The following APBA1 variants were observed in gnomAD, a reference collection of about 807,000 sequenced individuals.
APBA1 encodes amyloid beta precursor protein binding family A member 1.
In APBA1, 55 loss-of-function variants were observed where a neutral mutation model predicts 86.6. That is an observed-to-expected ratio of 0.64 (90% CI 0.51 to 0.80). The LOEUF (loss-of-function observed/expected upper bound fraction) is 0.80, where lower values mean the gene tolerates loss of function less well. Ranked by LOEUF, APBA1 falls within the 30% of genes least tolerant of loss-of-function variation. The probability of loss-of-function intolerance (pLI) is 0.00; values close to 1 mark genes in which losing one functional copy is unlikely to be tolerated. For missense variants in APBA1, 1,090 were observed against 1,183.0 expected, an observed-to-expected ratio of 0.92 and a Z score of 1.15; for synonymous variants, 511 against 493.9, an observed-to-expected ratio of 1.03 and a Z score of -0.46.
At chr9:69,664,501 C>T (rs1239683993) in intron 1 of APBA1, among the ~76,000 whole-genome samples, 1 of 152,008 alleles carries the variant, frequency 6.6e-6, no homozygotes, top group East Asian at 1.9e-4. Context: ...CAAAAGTGGC[C>T]TAATCATGAC....
chr9:69,658,689 G>GCCACTGCA (rs981583002), intron 1 of APBA1, among the ~76,000 whole-genome samples: 33 of 151,812 alleles, frequency 2.2e-4, no homozygotes, highest in African/African-American at 7.5e-4. Flanking sequence ...ACAGGCATGA[G>GCCACTGCA]CCACTGCACC....
chr9:69,433,117 T>G (rs1315889864), intron 11 of APBA1, among the ~76,000 whole-genome samples: 2 of 152,178 alleles, frequency 1.3e-5, no homozygotes, highest in African/African-American at 4.8e-5. Context: ...TGAGCCACCA[T>G]GGGGCTGGAA....
At chr9:69,482,623 G>T (rs1835533048) in intron 2 of APBA1, among the ~76,000 whole-genome samples, 1 of 151,254 alleles carries the variant, frequency 6.6e-6, no homozygotes, top group African/African-American at 2.4e-5. Context: ...CCATTACTGG[G>T]TATATACCCA....
chr9:69,591,802 G>A (rs1421578166), intron 1 of APBA1, among the ~76,000 whole-genome samples: 2 of 152,220 alleles, frequency 1.3e-5, no homozygotes, highest in African/African-American at 4.8e-5. Flanking sequence ...AGAGAGAAAT[G>A]CTTTTGAACC....
intron 2 of APBA1, among the ~76,000 whole-genome samples, chr9:69,500,162 C>A (rs148131545): frequency 6.6e-6 from 1 of 152,014 alleles, no homozygotes; most frequent in African/African-American, 2.4e-5. Context: ...CCAGGATGGG[C>A]AGCCCAGTGG....
intron 1 of APBA1, among the ~76,000 whole-genome samples, chr9:69,517,741 TGA>T (rs1392287690): frequency 6.6e-6 from 1 of 152,234 alleles, no homozygotes; most frequent in Non-Finnish European, 1.5e-5. Flanking sequence ...GAAGCCATTC[TGA>T]GAGAGGCTAT....
intron 4 of APBA1, among the ~76,000 whole-genome samples, chr9:69,471,259 T>C (rs867172976): frequency 6.6e-6 from 1 of 152,226 alleles, no homozygotes; most frequent in Non-Finnish European, 1.5e-5. Context: ...AGGTTTTTCT[T>C]ATTAAAAAAG....
At chr9:69,668,488 C>T (rs971760138) in intron 1 of APBA1, among the ~76,000 whole-genome samples, 1 of 152,156 alleles carries the variant, frequency 6.6e-6, no homozygotes, top group African/African-American at 2.4e-5. Flanking sequence ...ACAATAGAGT[C>T]TATCTGGTCT....
At chr9:69,459,679 A>G (rs1347557042) in intron 5 of APBA1, among the ~76,000 whole-genome samples, 1 of 152,216 alleles carries the variant, frequency 6.6e-6, no homozygotes, top group Non-Finnish European at 1.5e-5. Flanking sequence ...ATTGTCTAAA[A>G]CCAAGTCCTG....
At chr9:69,445,202 C>G (rs1038067531) in intron 10 of APBA1, among the ~76,000 whole-genome samples, 1 of 152,146 alleles carries the variant, frequency 6.6e-6, no homozygotes, top group Non-Finnish European at 1.5e-5. Context: ...CCGGTTCTTT[C>G]CTTCTCTGTG....
In APBA1 at chr9:69,432,634, C is replaced by T. The variant is rs765330950; in HGVS notation, c.2344G>A (p.Val782Ile). 2.9e-5 allele frequency: 46 copies of T among 1,604,178 alleles called. No individual in the cohort carries two copies. Among genetic ancestry groups the T allele is most frequent in the East Asian group, 2.1e-4 (9 of 43,760 alleles). The change falls in exon 12 of 13, where the codon GTC (valine) becomes ATC (isoleucine). Residue 782 changes from valine (V) to isoleucine (I), a missense_variant. Transcript: ENST00000265381. ...MRGGIAERGG[V>I]RVGHRIIEIN... ...TCAATGATCCGGTGCCCCACACGGA[C>T]GCCTCCTCTCTCAGCTATTCCCCCT...
Position 69,429,746 on chromosome 9 carries a change from GCTCA to G in APBA1, c.*1577_*1580del, listed in dbSNP as rs1834555755. ...TATAAATACATGCTACCCACCATTT[GCTCA>G]CTGAGTTCCTATTTCCATAGACACA... On this transcript the variant is annotated 3_prime_UTR_variant, in exon 13 of 13. Transcript: ENST00000265381. 1 of 151,076 alleles carries G rather than the reference GCTCA, an allele frequency of 6.6e-6. No homozygotes were observed. Among genetic ancestry groups the G allele is most frequent in the Non-Finnish European group, 1.5e-5 (1 of 67,840 alleles). The allele number at this position is 151,076 out of a possible 1,614,324, so 9.4% of individuals were successfully genotyped here.
rs555396239 is a variant in APBA1 at position 69,593,009 on chromosome 9, A to G, written c.-69-75730T>C. The stretch of plus-strand genomic sequence containing the variant: ...AAATGATAAAGGCTTCTGCAACAAA[A>G]CAGTATTATAAAATGCCATATAAGA... On this transcript the variant is annotated intron_variant, in intron 1 of 12. Coordinates refer to ENST00000265381, the MANE Select transcript of APBA1 (RefSeq NM_001163.4). 9.2e-5 allele frequency among the ~76,000 whole-genome samples: 14 copies of G among 152,340 alleles called. No homozygotes were observed. The South Asian group carries it at 2.9e-3, about 32-fold the overall frequency.
chr9:69,570,744 G>T lies in APBA1; in HGVS notation c.-69-53465C>A, dbSNP rs139874879. ...TCTTCACTGTTATGGGCTAGATTGT[G>T]TATCTCTCTCCCCATATAACATGGT... On this transcript the variant is annotated intron_variant, in intron 1 of 12. Transcript: ENST00000265381. Among the ~76,000 whole-genome samples, 1,293 of 152,148 alleles carry T rather than the reference G, an allele frequency of 8.5e-3. 18 individuals carry two copies. The highest frequency in any genetic ancestry group is 0.029 in the African/African-American group (1,219 of 41,494).
intron 1 of APBA1, among the ~76,000 whole-genome samples, chr9:69,662,746 C>T (rs1823775406): frequency 6.6e-6 from 1 of 152,076 alleles, no homozygotes; most frequent in Non-Finnish European, 1.5e-5. Flanking sequence ...GGAAGAGGGG[C>T]AGGAAGAGTG....
chr9:69,517,225 C>G lies in APBA1; in HGVS notation c.-15G>C. 6.9e-7 allele frequency: 1 copy of G among 1,451,958 alleles called. No individual in the cohort carries two copies. The highest frequency in any genetic ancestry group is 1.5e-5 in the South Asian group (1 of 67,832). 89.9% of individuals were successfully genotyped at this position (1,451,958 alleles called of 1,614,324 possible). On this transcript the variant is annotated 5_prime_UTR_variant, in exon 2 of 13. Coordinates refer to ENST00000265381, the MANE Select transcript of APBA1 (RefSeq NM_001163.4). ...AAGTGGTTCATGGTGGGAGTCGGAA[C>G]GGCTAGGAGAGAAGCTGGGCCCGGC...
In APBA1 at chr9:69,516,776, C is replaced by T. The variant is rs1170878866; in HGVS notation, c.435G>A (p.Ala145=). 6.2e-7 allele frequency: 1 copy of T among 1,611,310 alleles called. No individual in the cohort carries two copies. The part of the protein sequence containing the change: ...AEHAEATHRR[A]LPNHLHFHSL... ...AGTGGAAGTGCAGGTGGTTGGGCAG[C>T]GCGCGGCGGTGCGTGGCCTCGGCGT... Residue 145 remains alanine (A), a synonymous_variant, in exon 2 of 13, where the codon GCG becomes GCA. Coordinates refer to ENST00000265381, the MANE Select transcript of APBA1 (RefSeq NM_001163.4). The surrounding 1 kb of genome is among the most constrained non-coding windows in gnomAD (Gnocchi z 7.3).
At chr9:69,529,046 T>C (rs565876003) in intron 1 of APBA1, among the ~76,000 whole-genome samples, 5 of 152,224 alleles carry the variant, frequency 3.3e-5, no homozygotes, top group Admixed American at 2.6e-4. Flanking sequence ...TAGCTTCTTC[T>C]AGCATCTTCC....
chr9:69,523,248 A>C, intron 1 of APBA1, among the ~76,000 whole-genome samples: 1 of 151,866 alleles, frequency 6.6e-6, no homozygotes. Flanking sequence ...ATCATTGATG[A>C]GCATTTCCAA....
Sources: gnomAD v4.1 joint callset for allele counts (sites outside exome capture counted in the v4.1 genomes callset) on GRCh38, gnomAD v4.1.1 for gene constraint, Gnocchi (gnomAD v3.1) non-coding constraint, MANE v1.5 for transcripts, NCBI Gene and HGNC (gene_info 2026-07-23, HGNC 2026-07-21) for gene names.